TPP2: variants seen among roughly 807,000 people sequenced by gnomAD.
TPP2 encodes the protein tripeptidyl peptidase 2, also known as tripeptidyl-peptidase 2.
TPP2 carries 34 observed loss-of-function variants against 155.9 expected under a neutral mutation model. That is an observed-to-expected ratio of 0.22 (90% CI 0.17 to 0.29). The LOEUF (loss-of-function observed/expected upper bound fraction) is 0.29, where lower values mean the gene tolerates loss of function less well. Ranked by LOEUF, TPP2 falls within the 10% of genes least tolerant of loss-of-function variation. The pLI, the probability that TPP2 is intolerant of heterozygous loss-of-function variation, is 1.00. For synonymous variants in TPP2, 510 were observed against 529.4 expected (o/e 0.96, Z 0.50); for missense variants, 1,028 against 1,522.3 (o/e 0.68, Z 5.40).
chr13:102,614,401 G>A (rs1880561617), intron 3 of TPP2, among the ~76,000 whole-genome samples: 1 of 152,162 alleles, frequency 6.6e-6, no homozygotes. Flanking sequence ...TTGATCTTGG[G>A]TACATGGATA....
chr13:102,639,913 T>C (rs769992947), intron 15 of TPP2, among the ~76,000 whole-genome samples: 50 of 152,232 alleles, frequency 3.3e-4, no homozygotes, highest in Non-Finnish European at 6.3e-4. Context: ...AACTTTATCA[T>C]TGATTTTAAT....
chr13:102,613,824 G>A (rs1270800750), intron 2 of TPP2, among the ~76,000 whole-genome samples: 2 of 152,204 alleles, frequency 1.3e-5, no homozygotes, highest in Non-Finnish European at 2.9e-5. Context: ...GATTTTAGCA[G>A]TTTATTGAGA....
At chr13:102,636,740 C>CT (rs1882408309) in intron 13 of TPP2, among the ~76,000 whole-genome samples, 1 of 152,156 alleles carries the variant, frequency 6.6e-6, no homozygotes, top group African/African-American at 2.4e-5. Context: ...TAGAAGCAGT[C>CT]TAGGAGAACT....
intron 24 of TPP2, among the ~76,000 whole-genome samples, chr13:102,656,050 A>G (rs1319846173): frequency 6.6e-6 from 1 of 151,868 alleles, no homozygotes; most frequent in Non-Finnish European, 1.5e-5. Context: ...TCTGCGACCC[A>G]TTTTTAGTCT....
intron 23 of TPP2, among the ~76,000 whole-genome samples, 193 bp from the exon 24 acceptor site, chr13:102,651,166 C>T (rs577079151): frequency 1.3e-5 from 2 of 152,250 alleles, no homozygotes; most frequent in South Asian, 2.1e-4. Context: ...TATTTGAGTA[C>T]TTTTTCTTAT....
chr13:102,649,001 T>G lies in TPP2; in HGVS notation c.2723T>G (p.Phe908Cys). Residue 908 changes from phenylalanine (F) to cysteine (C), a missense_variant, in exon 22 of 30, where the codon TTT becomes TGT. Physicochemically the swap from Phe to Cys is radical, Grantham distance 205 (BLOSUM62 -2). Transcript: ENST00000376052. Reference protein sequence around the residue: ...SDLERLKDLPFIVSHRLSNTL... With the variant: ...SDLERLKDLPCIVSHRLSNTL... Reference sequence around the variant, plus strand: ...TTGGAACGCCTTAAAGACCTTCCATTTATTGTTTCTCATAGATTGTCTAAT... The same window carrying G: ...TTGGAACGCCTTAAAGACCTTCCATGTATTGTTTCTCATAGATTGTCTAAT... 1 of 1,613,920 alleles carries G rather than the reference T, an allele frequency of 6.2e-7. No homozygotes were observed. Among genetic ancestry groups the G allele is most frequent in the Non-Finnish European group, 8.5e-7 (1 of 1,179,928 alleles).
chr13:102,677,698 A>C (rs1022606638), intron 29 of TPP2, among the ~76,000 whole-genome samples: 37 of 152,248 alleles, frequency 2.4e-4, no homozygotes, highest in African/African-American at 8.7e-4. Flanking sequence ...TCACCTCCAT[A>C]GAGATCCTTT....
chr13:102,601,552 G>C (rs541692789), intron 1 of TPP2, among the ~76,000 whole-genome samples: 1 of 152,194 alleles, frequency 6.6e-6, no homozygotes, highest in South Asian at 2.1e-4. Context: ...ACATAGCCCA[G>C]TAAGCATTTC....
At chr13:102,630,063 T>A (rs1881917339) in intron 9 of TPP2, 33 bp from the exon 10 acceptor site, 8 of 1,591,492 alleles carry the variant, frequency 5.0e-6, no homozygotes, top group Non-Finnish European at 6.9e-6. Flanking sequence ...CCCCGTTTGT[T>A]TTCTTTTCTT....
At chr13:102,678,183 C>G (rs751177298) in intron 29 of TPP2, 44 bp from the exon 30 acceptor site, 3 of 1,544,306 alleles carry the variant, frequency 1.9e-6, no homozygotes, top group Non-Finnish European at 2.6e-6. Flanking sequence ...GCTTAAAAAT[C>G]TGTCACTTCC....
At chr13:102,608,071 A>G (rs921845160) in intron 2 of TPP2, 3 of 152,330 alleles carry the variant, frequency 2.0e-5, no homozygotes, top group African/African-American at 7.2e-5. Context: ...TAGCTCTAAC[A>G]TTAAGTATTC....
At chr13:102,629,285 G>A (rs687303) in intron 8 of TPP2, among the ~76,000 whole-genome samples, 197 bp from the exon 9 acceptor site, 74,580 of 151,544 alleles carry the variant, frequency 0.49, 18,694 homozygotes, top group African/African-American at 0.6. Flanking sequence ...CTTTCCCCAC[G>A]TTTAATTTGG....
In TPP2 at chr13:102,627,150, C is replaced by A; in HGVS notation, c.923C>A (p.Thr308Lys). 6.3e-7 allele frequency: 1 copy of A among 1,599,600 alleles called. No individual in the cohort carries two copies. The highest frequency in any genetic ancestry group is 8.5e-7 in the Non-Finnish European group (1 of 1,174,174). Residue 308 changes from threonine to lysine, a missense_variant, in exon 7 of 30, where the codon ACA becomes AAA. Physicochemically the swap from Thr to Lys is moderately conservative, Grantham distance 78 (BLOSUM62 -1). Transcript: ENST00000376052. ...AGACTAAGCACAATGGAAACAGGCA[C>A]AGGCCTCATAAGAGCTGTGAGTGTT... ...DTRLSTMETGTGLIRAMIEVI... is the reference protein window; with the variant it reads ...DTRLSTMETGKGLIRAMIEVI...
At chr13:102,640,840 C>G (rs915807816) in intron 16 of TPP2, among the ~76,000 whole-genome samples, 2 of 151,884 alleles carry the variant, frequency 1.3e-5, no homozygotes, top group African/African-American at 4.8e-5. Flanking sequence ...TTAGTAGACA[C>G]GAGGTTTCAC....
intron 2 of TPP2, among the ~76,000 whole-genome samples, chr13:102,605,517 AATTGGGCGGT>A (rs1879753081): frequency 6.6e-6 from 1 of 152,198 alleles, no homozygotes; most frequent in Non-Finnish European, 1.5e-5. Context: ...AGGTAATTAG[AATTGGGCGGT>A]ATTTTTCAGT....
Position 102,664,787 on chromosome 13 carries a change from C to A in TPP2, c.3241-8C>A. 6.2e-7 allele frequency: 1 copy of A among 1,605,582 alleles called. No individual in the cohort carries two copies. Among genetic ancestry groups the A allele is most frequent in the Non-Finnish European group, 8.5e-7 (1 of 1,177,566 alleles). On this transcript the variant is annotated splice_polypyrimidine_tract_variant and splice_region_variant and intron_variant, in intron 26 of 29. Coordinates refer to ENST00000376052, the MANE Select transcript of TPP2 (RefSeq NM_001330588.2). ...CCTATTTTTTATTATTTCTTTTTTC[C>A]TCTCCAGGAACGAATGAAAAGACTT... is the stretch of plus-strand genomic sequence containing the variant.
At chr13:102,615,459 A>G (rs1880646711) in intron 3 of TPP2, among the ~76,000 whole-genome samples, 1 of 152,226 alleles carries the variant, frequency 6.6e-6, no homozygotes, top group Non-Finnish European at 1.5e-5. Context: ...CATTTTATAT[A>G]GTATATTAAA....
chr13:102,646,251 T>C (rs369785248), intron 19 of TPP2, 43 bp from the exon 20 acceptor site: 164 of 1,500,052 alleles, frequency 1.1e-4, no homozygotes, highest in Admixed American at 4.1e-4. Flanking sequence ...TCTCATTCAA[T>C]GAACTCTTGA....
chr13:102,657,274 G>A (rs1708518932), intron 25 of TPP2, 67 bp downstream of exon 25: 11 of 1,379,564 alleles, frequency 8.0e-6, no homozygotes, highest in Non-Finnish European at 9.7e-6. Context: ...TAACAATATT[G>A]TGTATATATA....
Sources: allele counts gnomAD v4.1 joint callset (sites outside exome capture counted in the v4.1 genomes callset), GRCh38; gene constraint gnomAD v4.1.1; transcripts MANE v1.5; gene names NCBI Gene and HGNC (gene_info 2026-07-23, HGNC 2026-07-21).